The following PPARGC1A variants were observed in gnomAD, a reference collection of about 807,000 sequenced individuals.
PPARGC1A encodes PPARG coactivator 1 alpha.
PPARGC1A carries 25 observed loss-of-function variants against 88.7 expected under a neutral mutation model. That is an observed-to-expected ratio of 0.28 (90% CI 0.21 to 0.39). PPARGC1A has a LOEUF of 0.39. Ranked by LOEUF, PPARGC1A falls within the 10% of genes least tolerant of loss-of-function variation. The probability of loss-of-function intolerance (pLI) is 1.00; values close to 1 mark genes in which losing one functional copy is unlikely to be tolerated. For synonymous variants in PPARGC1A, 363 were observed against 355.6 expected (o/e 1.02, Z -0.24); for missense variants, 880 against 968.7 (o/e 0.91, Z 1.22).
chr4:24,412,908 A>C, the PPARGC1A span, among the ~76,000 whole-genome samples: 20 of 152,368 alleles, frequency 1.3e-4, no homozygotes, highest in African/African-American at 4.8e-4. Context: ...TAAAATATTT[A>C]CTATCTGGCA....
the PPARGC1A span, among the ~76,000 whole-genome samples, chr4:24,317,557 A>C: frequency 2.9e-5 from 2 of 68,350 alleles, no homozygotes; most frequent in Non-Finnish European, 5.2e-5. Context: ...CAGAGGACTA[A>C]AAAAAAAAAA....
At chr4:23,951,408 G>A in the PPARGC1A span, among the ~76,000 whole-genome samples, 1 of 152,102 alleles carries the variant, frequency 6.6e-6, no homozygotes, top group African/African-American at 2.4e-5. Flanking sequence ...TGAGGCTAGG[G>A]AGTATGAGAA....
the PPARGC1A span, among the ~76,000 whole-genome samples, chr4:23,934,106 G>A: frequency 1.3e-5 from 2 of 152,192 alleles, no homozygotes; most frequent in Admixed American, 6.5e-5. Flanking sequence ...CCACAAGAAA[G>A]GTGGGAAGGT....
At chr4:23,921,074 A>C in the PPARGC1A span, among the ~76,000 whole-genome samples, 2 of 151,658 alleles carry the variant, frequency 1.3e-5, no homozygotes, top group Non-Finnish European at 1.5e-5. Context: ...CACCTTTCTC[A>C]AAGGGAAAGG....
the PPARGC1A span, among the ~76,000 whole-genome samples, chr4:24,458,002 G>A: frequency 6.6e-6 from 1 of 151,926 alleles, no homozygotes; most frequent in African/African-American, 2.4e-5. Context: ...ACCCTGGAAG[G>A]AAAGAAAAAA....
the PPARGC1A span, among the ~76,000 whole-genome samples, chr4:24,132,413 T>C: frequency 6.6e-6 from 1 of 152,198 alleles, no homozygotes; most frequent in Admixed American, 6.5e-5. Flanking sequence ...GTGACTTTGC[T>C]GGGACAATGA....
chr4:24,437,076 A>G, the PPARGC1A span, among the ~76,000 whole-genome samples: 19 of 152,246 alleles, frequency 1.2e-4, no homozygotes, highest in Non-Finnish European at 2.9e-5. Context: ...CCTGAAAGTC[A>G]CAAGTTCTCC....
chr4:24,200,456 A>AG, the PPARGC1A span, among the ~76,000 whole-genome samples: 1 of 151,954 alleles, frequency 6.6e-6, no homozygotes, highest in African/African-American at 2.4e-5. Flanking sequence ...GGTTGCAGTG[A>AG]GCTGAGATCG....
chr4:23,891,712 C>T (rs939363346), upstream of PPARGC1A, among the ~76,000 whole-genome samples: 3 of 152,124 alleles, frequency 2.0e-5, no homozygotes, highest in Non-Finnish European at 4.4e-5. Context: ...TTTAAGTTTG[C>T]TGAATACAGT....
the PPARGC1A span, among the ~76,000 whole-genome samples, chr4:24,327,847 A>G: frequency 6.6e-6 from 1 of 152,200 alleles, no homozygotes; most frequent in South Asian, 2.1e-4. Flanking sequence ...GCCCAAGCCA[A>G]GCCATCGCAT....
the PPARGC1A span, among the ~76,000 whole-genome samples, chr4:24,204,365 AT>A: frequency 6.6e-6 from 1 of 152,176 alleles, no homozygotes; most frequent in Non-Finnish European, 1.5e-5. Context: ...AAACCTTTGT[AT>A]TCGTCACCAT....
At chr4:24,212,047 C>G in the PPARGC1A span, among the ~76,000 whole-genome samples, 3 of 152,152 alleles carry the variant, frequency 2.0e-5, no homozygotes, top group Admixed American at 6.5e-5. Flanking sequence ...GATCATGTGA[C>G]TCACTTGCCT....
intron 2 of PPARGC1A, among the ~76,000 whole-genome samples, chr4:23,847,240 C>T (rs1577494319): frequency 6.6e-6 from 1 of 152,138 alleles, no homozygotes; most frequent in Admixed American, 6.5e-5. Context: ...AAGGAGAAGG[C>T]TTGCCCATCA....
At chr4:24,211,259 C>T in the PPARGC1A span, among the ~76,000 whole-genome samples, 32 of 152,214 alleles carry the variant, frequency 2.1e-4, no homozygotes, top group South Asian at 2.9e-3. Context: ...GATATTAAGC[C>T]GTGTGCCCAA....
At chr4:24,373,630 C>A in the PPARGC1A span, among the ~76,000 whole-genome samples, 1 of 151,868 alleles carries the variant, frequency 6.6e-6, no homozygotes, top group Admixed American at 6.6e-5. Flanking sequence ...AATTTATAAA[C>A]GAGAGACAAG....
the PPARGC1A span, among the ~76,000 whole-genome samples, chr4:24,413,242 T>TTC: frequency 6.7e-6 from 1 of 149,970 alleles, no homozygotes; most frequent in Non-Finnish European, 1.5e-5. Flanking sequence ...CTGGCTTCAT[T>TTC]TTTTTTTTTT....
chr4:24,206,158 A>G, the PPARGC1A span, among the ~76,000 whole-genome samples: 8 of 152,342 alleles, frequency 5.3e-5, no homozygotes, highest in East Asian at 7.7e-4. Flanking sequence ...TAATAAAAAA[A>G]TAAAGGGCCA....
the PPARGC1A span, among the ~76,000 whole-genome samples, chr4:24,354,199 T>G: frequency 2.6e-5 from 4 of 152,136 alleles, no homozygotes; most frequent in African/African-American, 9.7e-5. Context: ...TAGTCACAGC[T>G]AGGAAATATG....
chr4:24,311,687 C>A, the PPARGC1A span, among the ~76,000 whole-genome samples: 10 of 151,810 alleles, frequency 6.6e-5, no homozygotes, highest in Middle Eastern at 3.4e-3. Context: ...ATAGGTTTAA[C>A]AGCAGAATAA....
Sources: gnomAD v4.1 joint callset for allele counts (sites outside exome capture counted in the v4.1 genomes callset) on GRCh38, gnomAD v4.1.1 for gene constraint, MANE v1.5 for transcripts, NCBI Gene and HGNC (gene_info 2026-07-23, HGNC 2026-07-21) for gene names.